The following KCNIP4 variants were observed in gnomAD, a reference collection of about 807,000 sequenced individuals.
The protein encoded by KCNIP4 is potassium voltage-gated channel interacting protein 4, also known as Kv channel-interacting protein 4.
A neutral mutation model predicts 34.0 loss-of-function variants in KCNIP4; 12 were observed. That is an observed-to-expected ratio of 0.35 (90% CI 0.23 to 0.57). The LOEUF (loss-of-function observed/expected upper bound fraction) is 0.57, where lower values mean the gene tolerates loss of function less well. Among genes scored for constraint, KCNIP4 ranks in the 20% least tolerant of loss-of-function variants. The probability of loss-of-function intolerance (pLI) is 0.83; values close to 1 mark genes in which losing one functional copy is unlikely to be tolerated. For missense variants in KCNIP4, 238 were observed against 311.7 expected, an observed-to-expected ratio of 0.76 and a Z score of 1.78; for synonymous variants, 124 against 102.2, an observed-to-expected ratio of 1.21 and a Z score of -1.29.
chr4:20,923,721 G>T (rs896632058), intron 1 of KCNIP4, among the ~76,000 whole-genome samples: 1 of 152,136 alleles, frequency 6.6e-6, no homozygotes, highest in African/African-American at 2.4e-5. Flanking sequence ...TACGTGGTCC[G>T]ATTTAAGCCT....
chr4:21,014,864 G>A (rs1739363591), intron 1 of KCNIP4, among the ~76,000 whole-genome samples: 1 of 152,158 alleles, frequency 6.6e-6, no homozygotes, highest in African/African-American at 2.4e-5. Context: ...CAACGCCAAT[G>A]TCCATTGATG....
chr4:21,390,008 A>G, intron 1 of KCNIP4, among the ~76,000 whole-genome samples: 1 of 140,102 alleles, frequency 7.1e-6, no homozygotes, highest in Non-Finnish European at 1.6e-5. Flanking sequence ...CTACTGTGAG[A>G]TGGTATCTCA....
chr4:21,553,766 C>A (rs71607081), intron 1 of KCNIP4, among the ~76,000 whole-genome samples: 1 of 151,976 alleles, frequency 6.6e-6, no homozygotes, highest in Non-Finnish European at 1.5e-5. Flanking sequence ...GTTATTATTA[C>A]CCCCATTGTT....
At chr4:21,326,721 TTTCC>T (rs1209573491) in intron 1 of KCNIP4, among the ~76,000 whole-genome samples, 4 of 151,954 alleles carry the variant, frequency 2.6e-5, no homozygotes, top group Non-Finnish European at 5.9e-5. Context: ...CTCTTCCTTT[TTTCC>T]TTCCTTTCTG....
intron 1 of KCNIP4, among the ~76,000 whole-genome samples, chr4:21,816,048 C>T (rs1721966624): frequency 6.6e-6 from 1 of 152,082 alleles, no homozygotes; most frequent in African/African-American, 2.4e-5. Flanking sequence ...TGTAATGTTT[C>T]TACTATCAAA....
chr4:21,253,307 A>C (rs1384892714), intron 1 of KCNIP4, among the ~76,000 whole-genome samples: 4 of 152,188 alleles, frequency 2.6e-5, no homozygotes, highest in African/African-American at 9.6e-5. Flanking sequence ...AACAGGTATA[A>C]AATGTGGTAC....
chr4:21,571,142 A>G (rs1740336396), intron 1 of KCNIP4, among the ~76,000 whole-genome samples: 1 of 152,174 alleles, frequency 6.6e-6, no homozygotes, highest in Non-Finnish European at 1.5e-5. Context: ...CAGTTCATTT[A>G]TAATCCCCTC....
intron 3 of KCNIP4, among the ~76,000 whole-genome samples, chr4:20,802,561 T>C (rs533050310): frequency 2.6e-5 from 4 of 152,236 alleles, no homozygotes; most frequent in African/African-American, 9.6e-5. Flanking sequence ...ACAACTTTTT[T>C]CACACATGGA....
At chr4:21,003,076 G>A (rs1299497385) in intron 1 of KCNIP4, among the ~76,000 whole-genome samples, 1 of 152,074 alleles carries the variant, frequency 6.6e-6, no homozygotes, top group Non-Finnish European at 1.5e-5. Flanking sequence ...TCCTGTGTTC[G>A]TGTACCATTT....
At chr4:21,282,671 T>C (rs2109174075) in intron 1 of KCNIP4, among the ~76,000 whole-genome samples, 1 of 152,190 alleles carries the variant, frequency 6.6e-6, no homozygotes, top group East Asian at 1.9e-4. Flanking sequence ...AGGCAGAAAA[T>C]ATAAGAAGAT....
In KCNIP4 at chr4:21,143,516, G is replaced by C. The variant is rs187525233; in HGVS notation, c.62-260807C>G. ...CAGTAGCCCAGCCCAGCAACACCTT[G>C]ATTTTGGCCTTATGAAACCCAGTGG... On this transcript the variant is annotated intron_variant, in intron 1 of 8. Transcript: ENST00000382152. Among the ~76,000 whole-genome samples, 44 of 152,158 alleles carry C rather than the reference G, an allele frequency of 2.9e-4. No homozygotes were observed. The East Asian group carries it at 8.2e-3, about 28-fold the overall frequency.
At chr4:21,665,251 T>C (rs1748756996) in intron 1 of KCNIP4, among the ~76,000 whole-genome samples, 1 of 152,152 alleles carries the variant, frequency 6.6e-6, no homozygotes, top group East Asian at 1.9e-4. Flanking sequence ...GGAAACCTCC[T>C]CCATGTCCAG....
chr4:21,904,168 C>G (rs572148303), intron 1 of KCNIP4, among the ~76,000 whole-genome samples: 3 of 152,164 alleles, frequency 2.0e-5, no homozygotes, highest in Non-Finnish European at 4.4e-5. Flanking sequence ...TAAAAACAAA[C>G]AGGAAAAAAA....
chr4:21,501,250 A>T (rs406240), intron 1 of KCNIP4, among the ~76,000 whole-genome samples: 16,342 of 93,812 alleles, frequency 0.17, 788 homozygotes, highest in South Asian at 0.19. Context: ...TCTCTCTCTC[A>T]CACACACACA....
chr4:21,338,845 T>G lies in KCNIP4; in HGVS notation c.62-456136A>C, dbSNP rs1004179878. On this transcript the variant is annotated intron_variant, in intron 1 of 8. Transcript: ENST00000382152. ...CACTCAGATTCTTTTTCTTCATCAC[T>G]TAATCAGTTATATTTGATGAAACAC... 2.6e-5 allele frequency among the ~76,000 whole-genome samples: 4 copies of G among 152,124 alleles called. No individual in the cohort carries two copies. The East Asian group carries it at 7.7e-4, about 29-fold the overall frequency.
At chr4:21,309,129 G>T (rs1489978357) in intron 1 of KCNIP4, among the ~76,000 whole-genome samples, 2 of 152,148 alleles carry the variant, frequency 1.3e-5, no homozygotes, top group Admixed American at 6.5e-5. Flanking sequence ...AGATTAGTTT[G>T]CCCTTTGATG....
intron 1 of KCNIP4, among the ~76,000 whole-genome samples, chr4:21,076,649 AT>A (rs1410899049): frequency 6.6e-6 from 1 of 152,164 alleles, no homozygotes; most frequent in Non-Finnish European, 1.5e-5. Context: ...ATGGCCAACA[AT>A]TCGTATGTTA....
intron 1 of KCNIP4, among the ~76,000 whole-genome samples, chr4:21,020,549 G>T (rs577111349): frequency 1.3e-5 from 2 of 152,146 alleles, no homozygotes; most frequent in African/African-American, 4.8e-5. Flanking sequence ...AAAAGGACAC[G>T]ATCTTCAGGG....
rs182205585 is a variant in KCNIP4, at chr4:21,311,074, A to G, written c.62-428365T>C. Among the ~76,000 whole-genome samples the G allele has an allele frequency of 1.5e-4, 23 of 152,352 alleles. No individual in the cohort carries two copies. In the East Asian group the frequency reaches 4.4e-3, roughly 29 times the overall value. On this transcript the variant is annotated intron_variant, in intron 1 of 8. Transcript: ENST00000382152. ...TTGTGACTTTGGGCAAATTGCTGAG[A>G]TAAGTCATACAAAGCACTTAGAACA...
Sources: allele counts gnomAD v4.1 joint callset (sites outside exome capture counted in the v4.1 genomes callset), GRCh38; gene constraint gnomAD v4.1.1; transcripts MANE v1.5; gene names NCBI Gene and HGNC (gene_info 2026-07-23, HGNC 2026-07-21).